Variants in GLIS3 observed in about 807,000 individuals in gnomAD.
GLIS3 encodes the protein zinc finger protein GLIS3.
GLIS3 carries 53 observed loss-of-function variants against 78.6 expected under a neutral mutation model. The observed-to-expected ratio is 0.67, with a 90% CI of 0.54 to 0.85. The LOEUF is 0.85. Ranked by LOEUF, GLIS3 falls within the 40% of genes least tolerant of loss-of-function variation. The pLI is 0.00. For missense variants in GLIS3, 1,703 were observed against 1,231.1 expected, an observed-to-expected ratio of 1.38 and a Z score of -5.74; for synonymous variants, 684 against 509.9, an observed-to-expected ratio of 1.34 and a Z score of -4.60.
At chr9:4,163,116 A>C (rs923219825) in intron 2 of GLIS3, among the ~76,000 whole-genome samples, 7 of 152,188 alleles carry the variant, frequency 4.6e-5, no homozygotes, top group Admixed American at 1.3e-4. Flanking sequence ...AAAGAAACTC[A>C]AGTTCAAAGA....
intron 2 of GLIS3, among the ~76,000 whole-genome samples, chr9:4,133,474 G>C (rs1228994704): frequency 6.6e-6 from 1 of 152,136 alleles, no homozygotes; most frequent in African/African-American, 2.4e-5. Flanking sequence ...AAAAGATGGT[G>C]GAAGGAAAGA....
Position 3,829,316 on chromosome 9 carries a change from T to C in GLIS3, c.2650A>G (p.Ile884Val), listed in dbSNP as rs1192672479. 1 of 1,613,810 alleles carries C rather than the reference T, an allele frequency of 6.2e-7. No homozygotes were observed. The highest frequency in any genetic ancestry group is 1.3e-5 in the African/African-American group (1 of 74,912). Reference sequence around the variant, plus strand: ...TCACAGACAACCAACACACCTGTAATGCCCGAGTGAGTCGAGAAGGCTCTG... The same window carrying C: ...TCACAGACAACCAACACACCTGTAACGCCCGAGTGAGTCGAGAAGGCTCTG... ...FHRAFSTHSG[I>V]TVYDLPSSSS... Residue 884 changes from isoleucine to valine, a missense_variant, in exon 10 of 11, where the codon ATT becomes GTT. Physicochemically the swap from Ile to Val is conservative, Grantham distance 29. Transcript: ENST00000381971.
At chr9:4,337,498 G>A (rs1396334544) in intron 2 of GLIS3, among the ~76,000 whole-genome samples, 1 of 152,150 alleles carries the variant, frequency 6.6e-6, no homozygotes, top group African/African-American at 2.4e-5. Context: ...ATTTTGCAAT[G>A]ATTCTGAACA....
intron 2 of GLIS3, among the ~76,000 whole-genome samples, chr9:4,194,683 T>C (rs541701390): frequency 6.6e-5 from 10 of 152,154 alleles, no homozygotes; most frequent in Non-Finnish European, 1.3e-4. Flanking sequence ...TGTGGCAGCA[T>C]CTCGCTGATA....
intron 2 of GLIS3, among the ~76,000 whole-genome samples, chr9:4,186,361 G>T (rs544728786): frequency 6.6e-6 from 1 of 151,892 alleles, no homozygotes; most frequent in Non-Finnish European, 1.5e-5. Context: ...GTATTCCATG[G>T]TGTATATGTG....
chr9:4,363,153 T>C, the GLIS3 span, among the ~76,000 whole-genome samples: 3 of 152,212 alleles, frequency 2.0e-5, no homozygotes, highest in East Asian at 3.8e-4. Context: ...CTGGGTGCAG[T>C]GGCTCACACA....
chr9:3,931,884 T>G (rs190138251), intron 6 of GLIS3, among the ~76,000 whole-genome samples: 21 of 152,372 alleles, frequency 1.4e-4, no homozygotes. Flanking sequence ...AAGAATGCTC[T>G]CTACTTGTCC....
At chr9:4,059,071 A>C (rs371049201) in intron 4 of GLIS3, among the ~76,000 whole-genome samples, 19 of 152,240 alleles carry the variant, frequency 1.2e-4, no homozygotes, top group African/African-American at 4.3e-4. Flanking sequence ...TGAGTCATCT[A>C]ATCTATAGTT....
intron 2 of GLIS3, among the ~76,000 whole-genome samples, chr9:4,280,176 C>T (rs1241854410): frequency 2.6e-5 from 4 of 152,140 alleles, no homozygotes; most frequent in African/African-American, 9.7e-5. Context: ...CATGCCAACA[C>T]ACCCAGCTAA....
intron 2 of GLIS3, among the ~76,000 whole-genome samples, chr9:4,271,275 T>G (rs1314456490): frequency 6.6e-6 from 1 of 152,164 alleles, no homozygotes; most frequent in Non-Finnish European, 1.5e-5. Context: ...ACAAAATACA[T>G]GTTAATCAAC....
the GLIS3 span, among the ~76,000 whole-genome samples, chr9:4,390,318 G>C: frequency 1.3e-5 from 2 of 152,154 alleles, no homozygotes; most frequent in Admixed American, 1.3e-4. Flanking sequence ...AGTAGACTTT[G>C]TGGCAGTCTA....
At position 3,828,117 on chromosome 9, in the gene GLIS3, G is replaced by T; in HGVS notation, c.*155C>A. ...TAATGATTCCTGCAAAGCTAGCTCT[G>T]CCATTCAGTCCTGCCTTCTGAAAGA... On this transcript the variant is annotated 3_prime_UTR_variant, in exon 11 of 11. Transcript: ENST00000381971. The T allele has an allele frequency of 1.2e-6, 1 of 805,176 alleles. No homozygotes were observed. The allele number at this position is 805,176 out of a possible 1,614,324, so 49.9% of individuals were successfully genotyped here.
At chr9:4,187,434 C>T (rs928102506) in intron 2 of GLIS3, among the ~76,000 whole-genome samples, 7 of 152,132 alleles carry the variant, frequency 4.6e-5, no homozygotes, top group Admixed American at 3.9e-4. Context: ...TAGCATGATG[C>T]CTCCAGCTTT....
At chr9:4,332,568 T>A (rs904594805) in intron 2 of GLIS3, among the ~76,000 whole-genome samples, 1 of 152,228 alleles carries the variant, frequency 6.6e-6, no homozygotes, top group Non-Finnish European at 1.5e-5. Flanking sequence ...AAGCTCCACA[T>A]TGAAGACAGC....
intron 2 of GLIS3, among the ~76,000 whole-genome samples, chr9:4,195,365 G>A (rs868393058): frequency 1.3e-5 from 2 of 152,226 alleles, no homozygotes; most frequent in South Asian, 2.1e-4. Flanking sequence ...CTGGGTGGGC[G>A]TGGGCTTGGC....
chr9:4,016,156 C>T (rs1283377492), intron 4 of GLIS3, among the ~76,000 whole-genome samples: 1 of 152,108 alleles, frequency 6.6e-6, no homozygotes, highest in African/African-American at 2.4e-5. Context: ...TCATTACATT[C>T]AAAGTAAACT....
At position 3,879,451 on chromosome 9, in the gene GLIS3, G is replaced by A; in HGVS notation, c.2273C>T (p.Thr758Ile). ...CCTCTCAGCTCCTGCGTCCACAGCT[G>A]TGAGTGGAGGTAACTGGGAGGAGGG... The part of the protein sequence containing the change: ...HNPSSQLPPL[T>I]AVDAGAERFA... The change falls in exon 8 of 11, where the codon ACA becomes ATA. Residue 758 changes from threonine (T) to isoleucine (I), a missense_variant. By Grantham distance (89) the Thr-to-Ile change is moderately conservative. Coordinates refer to ENST00000381971, the MANE Select transcript of GLIS3 (RefSeq NM_001042413.2). 2 of 1,614,138 alleles carry A rather than the reference G, an allele frequency of 1.2e-6. No individual in the cohort carries two copies. Among genetic ancestry groups the A allele is most frequent in the Non-Finnish European group, 1.7e-6 (2 of 1,180,010 alleles).
the GLIS3 span, among the ~76,000 whole-genome samples, chr9:4,419,916 A>G: frequency 6.6e-6 from 1 of 152,182 alleles, no homozygotes. Context: ...CACCTACCAC[A>G]TTGGGGATTA....
In GLIS3 at chr9:3,919,355, C is replaced by T. The variant is rs1464267154; in HGVS notation, c.1983+13005G>A. On this transcript the variant is annotated intron_variant, in intron 6 of 10. Transcript: ENST00000381971. ...TGAATGTGCTTTGTTAGTCATTTAACGTCTCTGAACCTGAGGTCTTTCATC... is the reference window on the plus strand; with the variant it reads ...TGAATGTGCTTTGTTAGTCATTTAATGTCTCTGAACCTGAGGTCTTTCATC... Among the ~76,000 whole-genome samples, 5 of 152,170 alleles carry T rather than the reference C, an allele frequency of 3.3e-5. No homozygotes were observed. The East Asian group carries it at 7.7e-4, about 23-fold the overall frequency.
Sources: gnomAD v4.1 joint callset for allele counts (sites outside exome capture counted in the v4.1 genomes callset) on GRCh38, gnomAD v4.1.1 for gene constraint, MANE v1.5 for transcripts, NCBI Gene and HGNC (gene_info 2026-07-23, HGNC 2026-07-21) for gene names.